Variants in PARN observed in about 807,000 individuals in gnomAD.
The protein encoded by PARN is poly(A)-specific ribonuclease.
A neutral mutation model predicts 102.8 loss-of-function variants in PARN; 71 were observed. The observed-to-expected ratio is 0.69, with a 90% confidence interval of 0.57 to 0.84. The LOEUF (loss-of-function observed/expected upper bound fraction) is 0.84, where lower values mean the gene tolerates loss of function less well. PARN is among the 40% of genes least tolerant of loss of function. The pLI, the probability that PARN is intolerant of heterozygous loss-of-function variation, is 0.00. For synonymous variants in PARN, 261 were observed against 252.9 expected (o/e 1.03, Z -0.30); for missense variants, 782 against 760.9 (o/e 1.03, Z -0.33).
rs539720112 is a variant in PARN at position 14,592,920 on chromosome 16, G to A, written c.918+381C>T. Among the ~76,000 whole-genome samples, 6 of 152,234 alleles carry A rather than the reference G, an allele frequency of 3.9e-5. No individual in the cohort carries two copies. The East Asian group carries it at 7.8e-4, about 20-fold the overall frequency. On this transcript the variant is annotated intron_variant, in intron 13 of 23. Transcript: ENST00000437198. ...TGGGAGGCTAAGGCAGGCGGATCAC[G>A]AGGTCAGGAGTTCGAGAACAACCTG...
At chr16:14,489,281 T>C (rs1381733954) in intron 21 of PARN, among the ~76,000 whole-genome samples, 1 of 152,048 alleles carries the variant, frequency 6.6e-6, no homozygotes, top group Non-Finnish European at 1.5e-5. Context: ...GTTTCACAGA[T>C]GTGCATTACA....
rs2151632836 is a variant in PARN, at chr16:14,507,139, C to T, written c.1481-24312G>A. 2.0e-5 allele frequency among the ~76,000 whole-genome samples: 3 copies of T among 151,824 alleles called. No individual in the cohort carries two copies. In the South Asian group the frequency reaches 6.3e-4, roughly 32 times the overall value. On this transcript the variant is annotated intron_variant, in intron 21 of 23. Coordinates refer to ENST00000437198, the MANE Select transcript of PARN (RefSeq NM_002582.4). ...GTCAGGAGTTCGAGACCAGCCTGAC[C>T]AACATGGAGAAACCCCATCTCTACT... is the stretch of plus-strand genomic sequence containing the variant.
chr16:14,574,712 C>CA (rs930013425), intron 18 of PARN, among the ~76,000 whole-genome samples: 23 of 149,994 alleles, frequency 1.5e-4, no homozygotes, highest in African/African-American at 3.4e-4. Flanking sequence ...GACCCCATCT[C>CA]AAAAAAAAAG....
At chr16:14,450,129 C>T (rs1256225586) in intron 22 of PARN, among the ~76,000 whole-genome samples, 1 of 152,072 alleles carries the variant, frequency 6.6e-6, no homozygotes, top group African/African-American at 2.4e-5. Flanking sequence ...AAGCAGTTAC[C>T]AAAAAGAATG....
intron 5 of PARN, among the ~76,000 whole-genome samples, chr16:14,622,133 C>A (rs1300526218): frequency 6.6e-6 from 1 of 152,164 alleles, no homozygotes. Context: ...GTGGAGGTTA[C>A]AGTGAGCCAA....
chr16:14,622,418 TCAAA>T (rs1972367172), intron 5 of PARN, among the ~76,000 whole-genome samples: 1 of 152,228 alleles, frequency 6.6e-6, no homozygotes, highest in African/African-American at 2.4e-5. Flanking sequence ...AATTAACTGA[TCAAA>T]CAAATTATAC....
intron 18 of PARN, among the ~76,000 whole-genome samples, chr16:14,566,603 T>C (rs1162574740): frequency 2.0e-5 from 3 of 152,098 alleles, no homozygotes; most frequent in Admixed American, 6.5e-5. Context: ...ACTAATCCAA[T>C]ACCCTACAGA....
At chr16:14,613,170 G>A (rs1002686507) in intron 6 of PARN, among the ~76,000 whole-genome samples, 4 of 151,840 alleles carry the variant, frequency 2.6e-5, no homozygotes, top group Admixed American at 1.3e-4. Context: ...TTAGCCGGGC[G>A]TGGTGGCACA....
At chr16:14,546,504 T>C (rs1486083901) in intron 21 of PARN, among the ~76,000 whole-genome samples, 1 of 152,228 alleles carries the variant, frequency 6.6e-6, no homozygotes, top group African/African-American at 2.4e-5. Context: ...TCTTCTAAAG[T>C]GTCTTTATCA....
At chr16:14,506,804 AAT>A (rs1471307408) in intron 21 of PARN, among the ~76,000 whole-genome samples, 1 of 152,090 alleles carries the variant, frequency 6.6e-6, no homozygotes, top group Non-Finnish European at 1.5e-5. Context: ...CAGCTTGGCC[AAT>A]ATAGTGAGAT....
chr16:14,616,967 G>C (rs1262890748), intron 6 of PARN, among the ~76,000 whole-genome samples: 1 of 151,210 alleles, frequency 6.6e-6, no homozygotes, highest in Non-Finnish European at 1.5e-5. Flanking sequence ...GCCAGTGGTA[G>C]AATAAACTGC....
At chr16:14,589,000 T>C (rs2151760880) in intron 13 of PARN, among the ~76,000 whole-genome samples, 1 of 151,902 alleles carries the variant, frequency 6.6e-6, no homozygotes, top group East Asian at 1.9e-4. Flanking sequence ...GCCAACATGG[T>C]GAAACTCCGT....
chr16:14,550,899 A>AT (rs1204097841), intron 21 of PARN, among the ~76,000 whole-genome samples: 3 of 152,136 alleles, frequency 2.0e-5, no homozygotes, highest in African/African-American at 7.2e-5. Flanking sequence ...TTGATGGTTA[A>AT]TATCAAAATA....
intron 6 of PARN, among the ~76,000 whole-genome samples, chr16:14,612,020 G>C (rs961232229): frequency 1.3e-5 from 2 of 152,192 alleles, no homozygotes; most frequent in African/African-American, 4.8e-5. Flanking sequence ...GCCAGCAGTG[G>C]GCTCTTGTTT....
intron 22 of PARN, among the ~76,000 whole-genome samples, chr16:14,477,620 C>T (rs1046915896): frequency 2.0e-5 from 3 of 148,548 alleles, no homozygotes; most frequent in Admixed American, 6.8e-5. Context: ...TACTAAAAAT[C>T]GAAAAAAAAT....
chr16:14,613,155 C>CAA (rs1971623451), intron 6 of PARN, among the ~76,000 whole-genome samples: 1 of 151,300 alleles, frequency 6.6e-6, no homozygotes, highest in Non-Finnish European at 1.5e-5. Context: ...ACTAAAAATA[C>CAA]AAAATTAGCC....
chr16:14,604,228 T>C lies in PARN; in HGVS notation c.703-2A>G. 4 of 1,540,282 alleles carry C rather than the reference T, an allele frequency of 2.6e-6. No individual in the cohort carries two copies. The highest frequency in any genetic ancestry group is 2.3e-5 in the East Asian group (1 of 44,206). On this transcript the variant is annotated splice_acceptor_variant, in intron 10 of 23. Coordinates refer to ENST00000437198, the MANE Select transcript of PARN (RefSeq NM_002582.4). LOFTEE classifies it high-confidence loss of function. Reference sequence around the variant, plus strand: ...GCTGATAACTATATATCGCTCCTTCTAAAAGACATAAAGCAGATATACAAT... The same window carrying C: ...GCTGATAACTATATATCGCTCCTTCCAAAAGACATAAAGCAGATATACAAT...
At chr16:14,553,418 G>A (rs1384464976) in intron 20 of PARN, among the ~76,000 whole-genome samples, 2 of 152,126 alleles carry the variant, frequency 1.3e-5, no homozygotes, top group African/African-American at 4.8e-5. Context: ...CATACTAGAA[G>A]ATACATAAAC....
intron 22 of PARN, among the ~76,000 whole-genome samples, chr16:14,464,105 A>C (rs1962176920): frequency 6.6e-6 from 1 of 152,216 alleles, no homozygotes; most frequent in Non-Finnish European, 1.5e-5. Context: ...GGCCTCCCAA[A>C]GTGCTAGGAT....
Sources: gnomAD v4.1 joint callset for allele counts (sites outside exome capture counted in the v4.1 genomes callset) on GRCh38, gnomAD v4.1.1 for gene constraint, MANE v1.5 for transcripts, NCBI Gene and HGNC (gene_info 2026-07-23, HGNC 2026-07-21) for gene names.